Variants in KCTD3 observed in about 807,000 individuals in gnomAD.
KCTD3 encodes BTB/POZ domain-containing protein KCTD3.
KCTD3 carries 41 observed loss-of-function variants against 85.8 expected under a neutral mutation model. That is an observed-to-expected ratio of 0.48 (90% CI 0.37 to 0.62). The LOEUF (loss-of-function observed/expected upper bound fraction) is 0.62. KCTD3 is among the 20% of genes least tolerant of loss of function. The pLI, the probability that KCTD3 is intolerant of heterozygous loss-of-function variation, is 0.00. For missense variants in KCTD3, 724 were observed against 989.9 expected (o/e 0.73, Z 3.60); for synonymous variants, 338 against 345.4 (o/e 0.98, Z 0.24).
intron 9 of KCTD3, among the ~76,000 whole-genome samples, chr1:215,587,171 C>A (rs1660042408): frequency 1.3e-5 from 2 of 151,468 alleles, no homozygotes; most frequent in African/African-American, 4.9e-5. Context: ...GCTCTGTCGC[C>A]CAGGCTGTAG....
intron 4 of KCTD3, among the ~76,000 whole-genome samples, chr1:215,576,376 GT>G (rs1311789448): frequency 3.5e-4 from 50 of 141,662 alleles, no homozygotes; most frequent in Middle Eastern, 3.6e-3. Flanking sequence ...GCCAGAAAAG[GT>G]TTTTTTTTTT....
At chr1:215,584,292 C>G (rs932237260) in intron 8 of KCTD3, among the ~76,000 whole-genome samples, 9 of 152,158 alleles carry the variant, frequency 5.9e-5, no homozygotes, top group African/African-American at 9.7e-5. Context: ...TTCAGTCTTT[C>G]ATTTTTACTA....
intron 1 of KCTD3, among the ~76,000 whole-genome samples, chr1:215,568,754 T>TA (rs1353251574): frequency 1.3e-5 from 2 of 152,190 alleles, no homozygotes; most frequent in Non-Finnish European, 2.9e-5. Flanking sequence ...ACCATAGTGA[T>TA]AAAAAATGTC....
chr1:215,601,829 T>C, intron 10 of KCTD3, 38 bp from the exon 11 acceptor site: 1 of 1,161,640 alleles, frequency 8.6e-7, no homozygotes, highest in Admixed American at 2.1e-5. Context: ...GAAATTATAA[T>C]TACTATCTAA....
In KCTD3 at chr1:215,613,434, T is replaced by C. The variant is rs1268146699; in HGVS notation, c.1562+1513T>C. On this transcript the variant is annotated intron_variant, in intron 15 of 17. Transcript: ENST00000259154. ...AGATGCTTAGTTTGCAGATATTTTC[T>C]CCTATCCTGTAGGTTGTCTGTTTAC... Among the ~76,000 whole-genome samples, 11 of 152,326 alleles carry C rather than the reference T, an allele frequency of 7.2e-5. No individual in the cohort carries two copies. The South Asian group carries it at 1.0e-3, about 14-fold the overall frequency.
At chr1:215,592,339 A>G (rs939400698) in intron 9 of KCTD3, among the ~76,000 whole-genome samples, 8 of 151,946 alleles carry the variant, frequency 5.3e-5, no homozygotes, top group Non-Finnish European at 1.2e-4. Context: ...AATACCTAAA[A>G]ACAGTTGTTT....
At chr1:215,589,790 T>C (rs1447898543) in intron 9 of KCTD3, among the ~76,000 whole-genome samples, 1 of 152,240 alleles carries the variant, frequency 6.6e-6, no homozygotes, top group Non-Finnish European at 1.5e-5. Context: ...TTTTTATTGC[T>C]GAGTAGTATT....
intron 9 of KCTD3, among the ~76,000 whole-genome samples, chr1:215,594,807 C>G (rs1292103302): frequency 6.6e-6 from 1 of 151,932 alleles, no homozygotes; most frequent in Non-Finnish European, 1.5e-5. Context: ...AGTAAAAGGC[C>G]CGAATGTTTG....
Position 215,611,979 on chromosome 1 carries a change from A to G in KCTD3, c.1562+58A>G, listed in dbSNP as rs558622456. The stretch of plus-strand genomic sequence containing the variant: ...GAAGCCACCTTTTGTCTTACAAAAC[A>G]TATGGCATAATTTGACATATTGACC... On this transcript the variant is annotated intron_variant, in intron 15 of 17. Transcript: ENST00000259154. 10 of 1,131,204 alleles carry G rather than the reference A, an allele frequency of 8.8e-6. No individual in the cohort carries two copies. The East Asian group carries it at 9.5e-5, about 11-fold the overall frequency. The allele number at this position is 1,131,204 out of a possible 1,614,324, so 70.1% of individuals were successfully genotyped here.
chr1:215,599,092 C>A (rs578093423), intron 10 of KCTD3, among the ~76,000 whole-genome samples: 2 of 152,106 alleles, frequency 1.3e-5, no homozygotes, highest in African/African-American at 4.8e-5. Context: ...CACCAGAAGA[C>A]GACAACGGGC....
chr1:215,579,155 A>G lies in KCTD3; in HGVS notation c.535+18A>G, dbSNP rs1436213002. Reference sequence around the variant, plus strand: ...TAGGCTAGGTAAGCAAAGATTACAGAAATAGAAAAAGAAAAATACGTATGT... The same window carrying G: ...TAGGCTAGGTAAGCAAAGATTACAGGAATAGAAAAAGAAAAATACGTATGT... On this transcript the variant is annotated intron_variant, in intron 7 of 17. Coordinates refer to ENST00000259154, the MANE Select transcript of KCTD3 (RefSeq NM_016121.5). 1 of 1,602,912 alleles carries G rather than the reference A, an allele frequency of 6.2e-7. No homozygotes were observed.
At position 215,567,470 on chromosome 1, in the gene KCTD3, C is replaced by A; in HGVS notation, c.-216C>A. On this transcript the variant is annotated 5_prime_UTR_variant, in exon 1 of 18. Coordinates refer to ENST00000259154, the MANE Select transcript of KCTD3 (RefSeq NM_016121.5). ...GCCGCGAAAGGTGGAGGCCGGGCCGCCCTTGTGCACCGCAGGATTGACCCG... is the reference window on the plus strand; with the variant it reads ...GCCGCGAAAGGTGGAGGCCGGGCCGACCTTGTGCACCGCAGGATTGACCCG... The A allele has an allele frequency of 3.7e-6, 1 of 266,938 alleles. No homozygotes were observed. Among genetic ancestry groups the A allele is most frequent in the Admixed American group, 5.4e-5 (1 of 18,636 alleles). The allele number at this position is 266,938 out of a possible 1,614,324, so 16.5% of individuals were successfully genotyped here.
rs756953535 is a variant in KCTD3 at position 215,620,028 on chromosome 1, A to G, written c.1887-29A>G. On this transcript the variant is annotated intron_variant, in intron 17 of 17. Transcript: ENST00000259154. The stretch of plus-strand genomic sequence containing the variant: ...CTGAGAAATCACAGAGTGAAATCTG[A>G]ACTGTCATTTTTAAAAACTGTATTT... 8 of 1,517,450 alleles carry G rather than the reference A, an allele frequency of 5.3e-6. No individual in the cohort carries two copies. The South Asian group carries it at 1.1e-4, about 20-fold the overall frequency. 94.0% of individuals were successfully genotyped at this position (1,517,450 alleles called of 1,614,324 possible).
intron 1 of KCTD3, among the ~76,000 whole-genome samples, chr1:215,571,292 G>T (rs1659353957): frequency 6.6e-6 from 1 of 152,168 alleles, no homozygotes. Context: ...GACCAAGTCA[G>T]TTTTCTGTGA....
chr1:215,604,921 T>A (rs1445295433), intron 13 of KCTD3, among the ~76,000 whole-genome samples: 2 of 151,972 alleles, frequency 1.3e-5, no homozygotes, highest in African/African-American at 4.8e-5. Context: ...TAATATAAAA[T>A]TTTTAATTAA....
At chr1:215,591,932 A>G (rs2102577964) in intron 9 of KCTD3, among the ~76,000 whole-genome samples, 1 of 152,362 alleles carries the variant, frequency 6.6e-6, no homozygotes, top group South Asian at 2.1e-4. Flanking sequence ...AATTGGACTT[A>G]CAGTTCCACA....
intron 12 of KCTD3, among the ~76,000 whole-genome samples, chr1:215,603,842 A>T (rs1654917992): frequency 6.6e-6 from 1 of 152,208 alleles, no homozygotes; most frequent in South Asian, 2.1e-4. Context: ...AGACATAGAA[A>T]TAAGTACAGA....
Position 215,595,376 on chromosome 1 carries a change from C to G in KCTD3, c.838C>G (p.Pro280Ala), listed in dbSNP as rs1415852220. 2 of 1,611,368 alleles carry G rather than the reference C, an allele frequency of 1.2e-6. No individual in the cohort carries two copies. The highest frequency in any genetic ancestry group is 1.1e-5 in the South Asian group (1 of 90,960). The change falls in exon 10 of 18, where the codon CCT becomes GCT. Residue 280 changes from proline to alanine, a missense_variant. This residue lies in a region of KCTD3 where 146 missense variants were observed against 320.3 expected (regional missense o/e 0.46). Coordinates refer to ENST00000259154, the MANE Select transcript of KCTD3 (RefSeq NM_016121.5). ...TTAAGGAGTGTTCAGCCTGGGTGTT[C>G]CTGTAGATGCTCTCTTCTTTATTGG... is the stretch of plus-strand genomic sequence containing the variant. ...SEIGVFSLGVPVDALFFIGNQ... is the reference protein window; with the variant it reads ...SEIGVFSLGVAVDALFFIGNQ...
intron 1 of KCTD3, among the ~76,000 whole-genome samples, chr1:215,568,725 A>G (rs1659251723): frequency 6.6e-6 from 1 of 152,198 alleles, no homozygotes; most frequent in Non-Finnish European, 1.5e-5. Flanking sequence ...GCATTTTAAA[A>G]GTATTTTAAT....
Sources: gnomAD v4.1 joint callset for allele counts (sites outside exome capture counted in the v4.1 genomes callset) on GRCh38, gnomAD v4.1.1 for gene constraint, gnomAD v4.1.1 regional missense constraint, MANE v1.5 for transcripts, NCBI Gene and HGNC (gene_info 2026-07-23, HGNC 2026-07-21) for gene names.